RUNX3: variants seen among roughly 807,000 people sequenced by gnomAD.
The protein encoded by RUNX3 is runt-related transcription factor 3.
In RUNX3, 10 loss-of-function variants were observed where a neutral mutation model predicts 27.7. The observed-to-expected ratio is 0.36, with a 90% confidence interval of 0.22 to 0.61. The LOEUF (loss-of-function observed/expected upper bound fraction) is 0.61. RUNX3 is among the 20% of genes least tolerant of loss of function. The pLI is 0.72. For synonymous variants in RUNX3, 270 were observed against 269.2 expected, an observed-to-expected ratio of 1.00 and a Z score of -0.03; for missense variants, 469 against 629.5, an observed-to-expected ratio of 0.75 and a Z score of 2.73.
At chr1:24,953,925 T>A (rs1017285874) in intron 2 of RUNX3, among the ~76,000 whole-genome samples, 1 of 152,190 alleles carries the variant, frequency 6.6e-6, no homozygotes, top group Non-Finnish European at 1.5e-5. Flanking sequence ...GTGGTTTTTT[T>A]TTTTGGAGAC....
At chr1:24,912,579 C>A (rs926631328) in intron 3 of RUNX3, among the ~76,000 whole-genome samples, 2 of 152,050 alleles carry the variant, frequency 1.3e-5, no homozygotes, top group African/African-American at 4.8e-5. Context: ...TGGAAATCAT[C>A]AAAACGGCAG....
intron 2 of RUNX3, among the ~76,000 whole-genome samples, chr1:24,946,688 C>A (rs1641616560): frequency 6.6e-6 from 1 of 152,120 alleles, no homozygotes; most frequent in Non-Finnish European, 1.5e-5. Flanking sequence ...CTGGTTCCTT[C>A]CTTAGGACAG....
intron 2 of RUNX3, among the ~76,000 whole-genome samples, chr1:24,936,999 A>G (rs556120975): frequency 1.3e-5 from 2 of 152,354 alleles, no homozygotes; most frequent in South Asian, 2.1e-4. Context: ...TGCTGTACGC[A>G]TGGCATGAGA....
Position 24,927,189 on chromosome 1 carries a change from C to T in RUNX3, c.439+385G>A, listed in dbSNP as rs1349705424. 6.6e-6 allele frequency among the ~76,000 whole-genome samples: 1 copy of T among 152,126 alleles called. No individual in the cohort carries two copies. The highest frequency in any genetic ancestry group is 1.9e-4 in the East Asian group (1 of 5,182). On this transcript the variant is annotated intron_variant, in intron 2 of 4. Transcript: ENST00000308873. The surrounding 1 kb of genome is among the most constrained non-coding windows in gnomAD (Gnocchi z 5.0). Reference sequence around the variant, plus strand: ...GAGAGTGGCTGGGGTGCTTGGGCCCCACAGATCAGGGACTTGTCCTGCAAC... The same window carrying T: ...GAGAGTGGCTGGGGTGCTTGGGCCCTACAGATCAGGGACTTGTCCTGCAAC...
intron 3 of RUNX3, among the ~76,000 whole-genome samples, chr1:24,909,359 A>G (rs1372998464): frequency 2.6e-5 from 4 of 152,074 alleles, no homozygotes; most frequent in East Asian, 1.9e-4. Flanking sequence ...TTCATCTTCC[A>G]TGAATGGAAA....
chr1:24,946,788 C>T (rs944772805), intron 2 of RUNX3, among the ~76,000 whole-genome samples: 1 of 152,136 alleles, frequency 6.6e-6, no homozygotes, highest in Non-Finnish European at 1.5e-5. Flanking sequence ...TCTCCAGCCC[C>T]ACTCCCACTG....
At chr1:24,950,576 TGGAACATAGCA>T (rs1454739977) in intron 2 of RUNX3, among the ~76,000 whole-genome samples, 1 of 152,210 alleles carries the variant, frequency 6.6e-6, no homozygotes, top group Non-Finnish European at 1.5e-5. Context: ...CAGGTAGCCC[TGGAACATAGCA>T]GTCTCACAGG....
intron 2 of RUNX3, 174 bp from the exon 3 acceptor site, chr1:24,919,518 G>A: frequency 2.0e-6 from 1 of 509,458 alleles, no homozygotes; most frequent in Non-Finnish European, 3.5e-6. Context: ...TCTTGGGCTT[G>A]GCATTCAAGG....
At chr1:24,936,556 T>A (rs1641354172) in intron 2 of RUNX3, among the ~76,000 whole-genome samples, 1 of 152,184 alleles carries the variant, frequency 6.6e-6, no homozygotes. Flanking sequence ...ATTTCTCAAA[T>A]GACAGAACTG....
chr1:24,961,329 T>C (rs1322992375), intron 2 of RUNX3: 2 of 152,194 alleles, frequency 1.3e-5, no homozygotes, highest in Non-Finnish European at 2.9e-5. Flanking sequence ...TCTCAGCCTG[T>C]TTTTGCCAGT....
chr1:24,933,232 G>A (rs567682837), upstream of RUNX3, among the ~76,000 whole-genome samples: 26 of 152,298 alleles, frequency 1.7e-4, no homozygotes, highest in African/African-American at 4.8e-4. Context: ...CTGCCTGAGC[G>A]TGTCTTTTTC....
intron 2 of RUNX3, chr1:24,961,722 C>T (rs1409817192): frequency 6.6e-6 from 1 of 152,234 alleles, no homozygotes; most frequent in African/African-American, 2.4e-5. Context: ...GAATCCTCCA[C>T]AGCCTGAGGT....
intron 2 of RUNX3, among the ~76,000 whole-genome samples, chr1:24,956,233 G>T (rs1571362998): frequency 6.6e-6 from 1 of 152,222 alleles, no homozygotes; most frequent in Non-Finnish European, 1.5e-5. Flanking sequence ...GGGAGCCCCA[G>T]CTTGCCTGTT....
At chr1:24,918,884 G>A (rs1377652347) in intron 3 of RUNX3, among the ~76,000 whole-genome samples, 1 of 152,140 alleles carries the variant, frequency 6.6e-6, no homozygotes, top group Admixed American at 6.5e-5. Context: ...TCAGCCACCC[G>A]CAGAGAAGCT....
chr1:24,918,833 C>A (rs147339258), intron 3 of RUNX3, among the ~76,000 whole-genome samples: 1 of 152,194 alleles, frequency 6.6e-6, no homozygotes, highest in South Asian at 2.1e-4. Flanking sequence ...ACAGCCAGAC[C>A]AGCCCCTGAC....
Position 24,902,104 on chromosome 1 carries a change from A to C in RUNX3, c.*18T>G. 6.6e-7 allele frequency: 1 copy of C among 1,512,074 alleles called. No individual in the cohort carries two copies. The allele number at this position is 1,512,074 out of a possible 1,614,324, so 93.7% of individuals were successfully genotyped here. A position where few individuals can be genotyped will look rare whatever the true frequency, so the allele number is the denominator to read the frequency against. On this transcript the variant is annotated 3_prime_UTR_variant, in exon 5 of 5. Coordinates refer to ENST00000308873, the MANE Select transcript of RUNX3 (RefSeq NM_004350.3). The surrounding 1 kb of genome is among the most constrained non-coding windows in gnomAD (Gnocchi z 9.2). ...TGTTAGGGTCCCCGCCTCCAGCGGG[A>C]GGAGTCCACCAGGGCGGTCAGTAGG... is the stretch of plus-strand genomic sequence containing the variant.
At chr1:24,958,012 A>G (rs574091979) in intron 2 of RUNX3, among the ~76,000 whole-genome samples, 4 of 152,176 alleles carry the variant, frequency 2.6e-5, no homozygotes, top group Admixed American at 6.5e-5. Context: ...CCCTGAAAAA[A>G]CCAGGGCTTG....
chr1:24,902,425 G>C lies in RUNX3; in HGVS notation c.945C>G (p.Ala315=), dbSNP rs758812760. 1.9e-6 allele frequency: 3 copies of C among 1,611,442 alleles called. No individual in the cohort carries two copies. Among genetic ancestry groups the C allele is most frequent in the Non-Finnish European group, 2.5e-6 (3 of 1,178,636 alleles). The part of the protein sequence containing the change: ...HTYLPPPYPG[A]PQNQSGPFQA... ...GGAAGGGCCCGCTCTGGTTCTGCGG[G>C]GCCCCCGGGTAGGGTGGCGGGAGGT... Residue 315 remains alanine (A), a synonymous_variant, in exon 5 of 5, where the codon GCC becomes GCG. Transcript: ENST00000308873. The surrounding 1 kb of genome is among the most constrained non-coding windows in gnomAD (Gnocchi z 9.2).
intron 2 of RUNX3, among the ~76,000 whole-genome samples, chr1:24,924,062 A>G (rs949540838): frequency 2.6e-5 from 4 of 152,114 alleles, no homozygotes; most frequent in Non-Finnish European, 5.9e-5. Context: ...TGGGAGGGAA[A>G]AACTTGCTTA....
Sources: gnomAD v4.1 joint callset for allele counts (sites outside exome capture counted in the v4.1 genomes callset) on GRCh38, gnomAD v4.1.1 for gene constraint, Gnocchi (gnomAD v3.1) non-coding constraint, MANE v1.5 for transcripts, NCBI Gene and HGNC (gene_info 2026-07-23, HGNC 2026-07-21) for gene names.